DPYD: variants seen among roughly 807,000 people sequenced by gnomAD.
DPYD encodes the protein dihydropyrimidine dehydrogenase, also known as dihydropyrimidine dehydrogenase [NADP(+)].
A neutral mutation model predicts 116.2 loss-of-function variants in DPYD; 109 were observed. The observed-to-expected ratio is 0.94, with a 90% CI of 0.80 to 1.10. The LOEUF (loss-of-function observed/expected upper bound fraction) is 1.10, where lower values mean the gene tolerates loss of function less well. Ranked by LOEUF, DPYD falls within the 50% of genes least tolerant of loss-of-function variation. The probability of loss-of-function intolerance (pLI) is 0.00; values close to 1 mark genes in which losing one functional copy is unlikely to be tolerated. For synonymous variants in DPYD, 440 were observed against 432.0 expected (o/e 1.02, Z -0.23); for missense variants, 1,302 against 1,254.5 (o/e 1.04, Z -0.57).
intron 14 of DPYD, among the ~76,000 whole-genome samples, chr1:97,433,778 G>A (rs1218248945): frequency 2.6e-5 from 4 of 152,160 alleles, no homozygotes; most frequent in Non-Finnish European, 5.9e-5. Flanking sequence ...CAACTCTGCA[G>A]TTGAATAGTA....
At chr1:97,412,684 T>A (rs1045649952) in intron 14 of DPYD, among the ~76,000 whole-genome samples, 4 of 152,198 alleles carry the variant, frequency 2.6e-5, no homozygotes, top group Admixed American at 6.5e-5. Flanking sequence ...ATTAAATGCA[T>A]CCTGTTTTGA....
intron 20 of DPYD, among the ~76,000 whole-genome samples, chr1:97,192,843 CT>C (rs1658470582): frequency 6.6e-6 from 1 of 152,160 alleles, no homozygotes; most frequent in Admixed American, 6.5e-5. Flanking sequence ...AAACATCGGT[CT>C]TTTCCTTTTA....
intron 14 of DPYD, among the ~76,000 whole-genome samples, chr1:97,431,068 T>C (rs982082434): frequency 1.3e-5 from 2 of 152,094 alleles, no homozygotes; most frequent in African/African-American, 2.4e-5. Context: ...TTAAGAAATA[T>C]TTATTGCGCT....
At chr1:97,553,268 A>C (rs1018773943) in intron 11 of DPYD, among the ~76,000 whole-genome samples, 6 of 152,044 alleles carry the variant, frequency 3.9e-5, no homozygotes, top group African/African-American at 1.4e-4. Flanking sequence ...CAATTCTTTT[A>C]AAATATAGCC....
intron 3 of DPYD, among the ~76,000 whole-genome samples, chr1:97,811,074 C>T (rs947023829): frequency 6.6e-6 from 1 of 152,122 alleles, no homozygotes; most frequent in Non-Finnish European, 1.5e-5. Flanking sequence ...TATCCACTTA[C>T]CCTTCTTTCA....
intron 18 of DPYD, among the ~76,000 whole-genome samples, chr1:97,242,120 GTGTGTATA>G (rs1390372528): frequency 1.5e-4 from 4 of 27,034 alleles, no homozygotes; most frequent in Admixed American, 8.1e-4. Flanking sequence ...GTGTGTGTGC[GTGTGTATA>G]TATATATATA....
intron 7 of DPYD, among the ~76,000 whole-genome samples, chr1:97,682,152 T>G (rs924084881): frequency 2.6e-5 from 4 of 152,016 alleles, no homozygotes; most frequent in African/African-American, 9.7e-5. Flanking sequence ...ATTTATACAG[T>G]CTGATTCTAC....
intron 3 of DPYD, among the ~76,000 whole-genome samples, chr1:97,754,548 T>G (rs1665124269): frequency 6.6e-6 from 1 of 152,220 alleles, no homozygotes. Context: ...TAAATGTGTT[T>G]GTGTTCTGCG....
chr1:97,118,104 T>C (rs1652122536), intron 20 of DPYD, among the ~76,000 whole-genome samples: 1 of 152,188 alleles, frequency 6.6e-6, no homozygotes, highest in Non-Finnish European at 1.5e-5. Flanking sequence ...ATTGTAATTG[T>C]ATATATCTAT....
chr1:97,444,122 T>A (rs1675947149), intron 14 of DPYD, among the ~76,000 whole-genome samples: 1 of 152,234 alleles, frequency 6.6e-6, no homozygotes, highest in African/African-American at 2.4e-5. Flanking sequence ...TTAGCTGGGA[T>A]TAACAGCAAA....
intron 8 of DPYD, among the ~76,000 whole-genome samples, chr1:97,627,498 C>T (rs751675088): frequency 6.6e-6 from 1 of 152,026 alleles, no homozygotes. Context: ...TTCCCTATAT[C>T]ACCCTCCTGC....
chr1:97,443,238 CT>C (rs987791052), intron 14 of DPYD, among the ~76,000 whole-genome samples: 2 of 152,038 alleles, frequency 1.3e-5, no homozygotes, highest in African/African-American at 4.8e-5. Context: ...GATATATTCT[CT>C]TTTTTTGTAA....
At chr1:97,802,553 G>C (rs17117211) in intron 3 of DPYD, among the ~76,000 whole-genome samples, 3,716 of 151,694 alleles carry the variant, frequency 0.024, 164 homozygotes, top group African/African-American at 0.086. Flanking sequence ...TTTCCTTTTG[G>C]GGCCTCAGAT....
intron 14 of DPYD, among the ~76,000 whole-genome samples, chr1:97,449,196 C>A (rs1676257263): frequency 6.6e-6 from 1 of 152,054 alleles, no homozygotes; most frequent in South Asian, 2.1e-4. Flanking sequence ...TAAGTGTTGT[C>A]TTTTGTCTTT....
chr1:97,410,590 T>G (rs919778405), intron 14 of DPYD, among the ~76,000 whole-genome samples: 13 of 152,182 alleles, frequency 8.5e-5, no homozygotes, highest in African/African-American at 3.1e-4. Flanking sequence ...TTAAAAAATA[T>G]GCCATCGGAA....
chr1:97,357,627 C>G (rs549568892), intron 16 of DPYD, among the ~76,000 whole-genome samples: 2 of 152,172 alleles, frequency 1.3e-5, no homozygotes, highest in East Asian at 1.9e-4. Context: ...TTCTGTATAG[C>G]CTTCACCCAA....
chr1:97,620,430 G>A (rs1303603407), intron 8 of DPYD, among the ~76,000 whole-genome samples: 1 of 152,042 alleles, frequency 6.6e-6, no homozygotes, highest in African/African-American at 2.4e-5. Context: ...TTCTCAGGCT[G>A]GTCTCAAACT....
At chr1:97,387,960 A>G (rs2101589711) in intron 14 of DPYD, among the ~76,000 whole-genome samples, 1 of 152,196 alleles carries the variant, frequency 6.6e-6, no homozygotes, top group Middle Eastern at 3.4e-3. Context: ...TCTGATGTAC[A>G]TTTTCAAAAG....
intron 2 of DPYD, among the ~76,000 whole-genome samples, chr1:97,862,571 CTATT>C (rs1034518333): frequency 2.0e-5 from 3 of 151,798 alleles, no homozygotes; most frequent in Non-Finnish European, 2.9e-5. Context: ...AAAATTTTGT[CTATT>C]TGTTTATTTC....
Sources: gnomAD v4.1 joint callset for allele counts (sites outside exome capture counted in the v4.1 genomes callset) on GRCh38, gnomAD v4.1.1 for gene constraint, MANE v1.5 for transcripts, NCBI Gene and HGNC (gene_info 2026-07-23, HGNC 2026-07-21) for gene names.